MAPKAP1: variants seen among roughly 807,000 people sequenced by gnomAD.
The protein encoded by MAPKAP1 is target of rapamycin complex 2 subunit MAPKAP1.
In MAPKAP1, 20 loss-of-function variants were observed where a neutral mutation model predicts 65.7. The ratio of observed to expected loss-of-function variants is 0.30; its 90% CI spans 0.21 to 0.44. The LOEUF (loss-of-function observed/expected upper bound fraction) is 0.44. MAPKAP1 is among the 20% of genes least tolerant of loss of function. The probability of loss-of-function intolerance (pLI) is 1.00; values close to 1 mark genes in which losing one functional copy is unlikely to be tolerated. For missense variants in MAPKAP1, 423 were observed against 648.0 expected (o/e 0.65, Z 3.77); for synonymous variants, 222 against 244.3 (o/e 0.91, Z 0.85).
intron 1 of MAPKAP1, among the ~76,000 whole-genome samples, chr9:125,702,218 T>G (rs1205688975): frequency 6.6e-6 from 1 of 151,990 alleles, no homozygotes; most frequent in Non-Finnish European, 1.5e-5. Context: ...GCAACATAGA[T>G]AGACACCATC....
chr9:125,668,848 T>C (rs1047846461), intron 3 of MAPKAP1, among the ~76,000 whole-genome samples: 4 of 152,156 alleles, frequency 2.6e-5, no homozygotes, highest in African/African-American at 7.2e-5. Flanking sequence ...AAAGTCTAGG[T>C]TGGAACTGCC....
In MAPKAP1 at chr9:125,452,804, G is replaced by C. The variant is rs1853004325; in HGVS notation, c.1346-8206C>G. Among the ~76,000 whole-genome samples, 4 of 151,978 alleles carry C rather than the reference G, an allele frequency of 2.6e-5. No individual in the cohort carries two copies. In the South Asian group the frequency reaches 6.3e-4, roughly 24 times the overall value. ...TGGGAGGCTGAGGCACGAGAATTTT[G>C]AACCTGGGAAGTGGAGGTTGCAGTA... On this transcript the variant is annotated intron_variant, in intron 10 of 11. Coordinates refer to ENST00000265960, the MANE Select transcript of MAPKAP1 (RefSeq NM_001006617.3).
chr9:125,651,625 A>G lies in MAPKAP1; in HGVS notation c.498+6026T>C, dbSNP rs192284608. Among the ~76,000 whole-genome samples, 18 of 152,220 alleles carry G rather than the reference A, an allele frequency of 1.2e-4. No homozygotes were observed. The East Asian group carries it at 2.9e-3, about 24-fold the overall frequency. On this transcript the variant is annotated intron_variant, in intron 4 of 11. Transcript: ENST00000265960. ...TGTCTCAAAAAAACAAAACAAAACAAAAGTATGTAAATGAAGCCACTGAAC... is the reference window on the plus strand; with the variant it reads ...TGTCTCAAAAAAACAAAACAAAACAGAAGTATGTAAATGAAGCCACTGAAC...
intron 4 of MAPKAP1, among the ~76,000 whole-genome samples, chr9:125,622,147 A>G (rs1046625315): frequency 2.0e-5 from 3 of 152,156 alleles, no homozygotes; most frequent in Non-Finnish European, 2.9e-5. Context: ...GTATGGGGAG[A>G]TGGGGAGAGG....
chr9:125,664,903 C>A (rs1834296586), intron 3 of MAPKAP1, among the ~76,000 whole-genome samples: 1 of 151,988 alleles, frequency 6.6e-6, no homozygotes, highest in Non-Finnish European at 1.5e-5. Flanking sequence ...TCTGGCTTCA[C>A]CACTTACTAC....
intron 9 of MAPKAP1, among the ~76,000 whole-genome samples, chr9:125,483,479 C>T (rs1189283395): frequency 6.6e-6 from 1 of 152,146 alleles, no homozygotes; most frequent in African/African-American, 2.4e-5. Context: ...GCATACAAAG[C>T]ATTTGTGAGA....
chr9:125,552,635 T>C (rs1830616500), intron 6 of MAPKAP1, among the ~76,000 whole-genome samples: 1 of 152,156 alleles, frequency 6.6e-6, no homozygotes, highest in Non-Finnish European at 1.5e-5. Flanking sequence ...CCACTGAGAA[T>C]CCCTGACAGA....
rs1318833216 is a variant in MAPKAP1, at chr9:125,693,596, C to T, written c.-70+13375G>A. Among the ~76,000 whole-genome samples, 35 of 150,292 alleles carry T rather than the reference C, an allele frequency of 2.3e-4. 2 individuals are homozygous for T. Among genetic ancestry groups the T allele is most frequent in the South Asian group, 6.3e-4 (3 of 4,762 alleles). ...ACACACACATATATACACGTATACA[C>T]ACACACATACACATATATACACACA... On this transcript the variant is annotated intron_variant, in intron 1 of 11. Transcript: ENST00000265960.
At chr9:125,632,833 A>G (rs536943880) in intron 4 of MAPKAP1, among the ~76,000 whole-genome samples, 20 of 152,332 alleles carry the variant, frequency 1.3e-4, no homozygotes, top group Non-Finnish European at 2.8e-4. Context: ...AGCCAGGTGC[A>G]AAGTCCACCT....
chr9:125,598,484 A>G (rs1589326853), intron 4 of MAPKAP1, among the ~76,000 whole-genome samples: 1 of 152,188 alleles, frequency 6.6e-6, no homozygotes, highest in Admixed American at 6.5e-5. Flanking sequence ...AAGAACGTCA[A>G]CTGCCACTCT....
chr9:125,474,935 G>A (rs1454553455), intron 9 of MAPKAP1, among the ~76,000 whole-genome samples: 2 of 152,212 alleles, frequency 1.3e-5, no homozygotes, highest in East Asian at 1.9e-4. Flanking sequence ...CCCCAAGGGA[G>A]TGCCACTGAA....
chr9:125,640,350 G>A (rs944930427), intron 4 of MAPKAP1, among the ~76,000 whole-genome samples: 14 of 151,850 alleles, frequency 9.2e-5, no homozygotes, highest in Middle Eastern at 3.4e-3. Flanking sequence ...TGATCCGCCC[G>A]CCTCGGCCTC....
intron 4 of MAPKAP1, among the ~76,000 whole-genome samples, chr9:125,651,913 T>A (rs1833904930): frequency 6.6e-6 from 1 of 152,160 alleles, no homozygotes; most frequent in South Asian, 2.1e-4. Flanking sequence ...CAGCATTAAG[T>A]AAAAGCTGCT....
intron 6 of MAPKAP1, among the ~76,000 whole-genome samples, chr9:125,551,257 T>G (rs118081526): frequency 0.027 from 4,165 of 152,286 alleles, 85 homozygotes; most frequent in Non-Finnish European, 0.045. Flanking sequence ...AATGACACCC[T>G]TTAATAAAGG....
intron 10 of MAPKAP1, among the ~76,000 whole-genome samples, chr9:125,452,740 A>C (rs927811494): frequency 3.3e-5 from 5 of 151,900 alleles, no homozygotes; most frequent in African/African-American, 1.2e-4. Context: ...AAAAATACAA[A>C]AACTAGCCGG....
intron 4 of MAPKAP1, among the ~76,000 whole-genome samples, chr9:125,631,716 C>T (rs915062364): frequency 6.6e-6 from 1 of 152,318 alleles, no homozygotes; most frequent in African/African-American, 2.4e-5. Flanking sequence ...TGCTCTCAGC[C>T]TCCACATTCC....
At position 125,496,646 on chromosome 9, in the gene MAPKAP1, G is replaced by A. The variant is rs147403356; in HGVS notation, c.1066+9664C>T. On this transcript the variant is annotated intron_variant, in intron 8 of 11. Transcript: ENST00000265960. Reference sequence around the variant, plus strand: ...CACACGCAGGAGGAAGAATCAGCCCGTTATAAATAAGCATCACAAAGAGGG... The same window carrying A: ...CACACGCAGGAGGAAGAATCAGCCCATTATAAATAAGCATCACAAAGAGGG... Among the ~76,000 whole-genome samples the A allele has an allele frequency of 5.4e-3, 825 of 152,244 alleles. 2 individuals carry two copies. The highest frequency in any genetic ancestry group is 0.017 in the Middle Eastern group (5 of 292).
At chr9:125,603,212 GTCTGAT>G (rs942198154) in intron 4 of MAPKAP1, among the ~76,000 whole-genome samples, 2 of 152,022 alleles carry the variant, frequency 1.3e-5, no homozygotes, top group African/African-American at 4.8e-5. Flanking sequence ...CCCAGCCTCT[GTCTGAT>G]TCAGTTTCAA....
Position 125,447,322 on chromosome 9 carries a change from C to A in MAPKAP1, c.1346-2724G>T. 4.5e-6 allele frequency: 2 copies of A among 440,494 alleles called. No individual in the cohort carries two copies. Among genetic ancestry groups the A allele is most frequent in the South Asian group, 3.2e-5 (2 of 62,318 alleles). 27.3% of individuals were successfully genotyped at this position (440,494 alleles called of 1,614,324 possible). A position where few individuals can be genotyped will look rare whatever the true frequency, so the allele number is the denominator to read the frequency against. ...GTTTGTCCTTTCCAGTGAAAGCACT[C>A]ACGCCATAGGAGAGGGGAACAGAGG... On this transcript the variant is annotated intron_variant, in intron 10 of 11. Transcript: ENST00000265960. This position sits in a 1 kb window ranked among gnomAD's most constrained non-coding sequence, Gnocchi z 4.5.
Sources: allele counts gnomAD v4.1 joint callset (sites outside exome capture counted in the v4.1 genomes callset), GRCh38; gene constraint gnomAD v4.1.1; non-coding constraint Gnocchi (gnomAD v3.1); transcripts MANE v1.5; gene names NCBI Gene and HGNC (gene_info 2026-07-23, HGNC 2026-07-21).